ATP6V0A2: variants seen among roughly 807,000 people sequenced by gnomAD.
ATP6V0A2 encodes the protein ATPase H+ transporting V0 subunit a2.
A neutral mutation model predicts 104.4 loss-of-function variants in ATP6V0A2; 58 were observed. The observed-to-expected ratio is 0.56, with a 90% CI of 0.45 to 0.69. The LOEUF is 0.69. Ranked by LOEUF, ATP6V0A2 falls within the 30% of genes least tolerant of loss-of-function variation. The pLI is 0.00. For synonymous variants in ATP6V0A2, 376 were observed against 397.9 expected (o/e 0.95, Z 0.65); for missense variants, 938 against 1,062.9 (o/e 0.88, Z 1.63).
At chr12:123,741,300 A>T (rs984366575) in intron 9 of ATP6V0A2, among the ~76,000 whole-genome samples, 3 of 152,260 alleles carry the variant, frequency 2.0e-5, no homozygotes, top group Admixed American at 1.3e-4. Context: ...ATAGAAAAAA[A>T]ATTAGCCAGG....
intron 5 of ATP6V0A2, among the ~76,000 whole-genome samples, chr12:123,727,458 T>C (rs1956459168): frequency 6.6e-6 from 1 of 152,106 alleles, no homozygotes; most frequent in South Asian, 2.1e-4. Flanking sequence ...TTTGTATTTT[T>C]AGTAGAGACA....
At chr12:123,756,230 T>C (rs1956762810) in intron 18 of ATP6V0A2, 1 of 151,386 alleles carries the variant, frequency 6.6e-6, no homozygotes. Flanking sequence ...ATGCTTCGGA[T>C]GGTTTTGATT....
chr12:123,751,340 G>A, intron 16 of ATP6V0A2, 111 bp downstream of exon 16: 1 of 1,514,934 alleles, frequency 6.6e-7, no homozygotes, highest in Non-Finnish European at 9.1e-7. Flanking sequence ...TGATTTAAAA[G>A]CCAAAGCTCC....
intron 3 of ATP6V0A2, chr12:123,723,948 G>A (rs533142930): frequency 1.3e-5 from 2 of 152,162 alleles, no homozygotes; most frequent in South Asian, 2.1e-4. Context: ...AAGGAAATCC[G>A]AGAAATGACA....
At chr12:123,721,814 T>A (rs1382030609) in intron 2 of ATP6V0A2, among the ~76,000 whole-genome samples, 3 of 152,206 alleles carry the variant, frequency 2.0e-5, no homozygotes, top group Non-Finnish European at 4.4e-5. Flanking sequence ...TGGTGCTGGG[T>A]GGGTTTCCTG....
intron 3 of ATP6V0A2, chr12:123,723,790 G>A (rs544153568): frequency 1.3e-5 from 2 of 152,152 alleles, no homozygotes; most frequent in African/African-American, 4.8e-5. Context: ...TCAATTAATT[G>A]TGTAAATGTG....
intron 9 of ATP6V0A2, among the ~76,000 whole-genome samples, chr12:123,738,394 CAA>C (rs1054215012): frequency 1.5e-4 from 19 of 127,086 alleles, no homozygotes; most frequent in Admixed American, 2.4e-4. Context: ...AACTTTGTCT[CAA>C]AAAAAAAAAA....
At position 123,737,255 on chromosome 12, in the gene ATP6V0A2, C is replaced by A. The variant is rs1956564188; in HGVS notation, c.1022C>A (p.Ala341Glu). 2 of 1,614,136 alleles carry A rather than the reference C, an allele frequency of 1.2e-6. No individual in the cohort carries two copies. The highest frequency in any genetic ancestry group is 1.7e-6 in the Non-Finnish European group (2 of 1,180,030). The change falls in exon 9 of 20, where the codon GCA becomes GAA. Residue 341 changes from alanine to glutamate, a missense_variant. Transcript: ENST00000330342. ...GCGGATCTGCAGGACCTGCGCCGGG[C>A]ACTGGAGGAGGGCTCGGTAAGGCTG... ...PEADLQDLRRALEEGSRESGA... is the reference protein window; with the variant it reads ...PEADLQDLRRELEEGSRESGA...
rs1187497559 is a variant in ATP6V0A2, at chr12:123,712,497, G to A, written c.-69G>A. 4 of 1,093,954 alleles carry A rather than the reference G, an allele frequency of 3.7e-6. No individual in the cohort carries two copies. The highest frequency in any genetic ancestry group is 3.8e-6 in the Non-Finnish European group (3 of 793,462). 67.8% of individuals were successfully genotyped at this position (1,093,954 alleles called of 1,614,324 possible). A position where few individuals can be genotyped will look rare whatever the true frequency, so the allele number is the denominator to read the frequency against. On this transcript the variant is annotated 5_prime_UTR_variant, in exon 1 of 20. The change creates a new upstream start codon in the 5' untranslated region. Transcript: ENST00000330342. Reference sequence around the variant, plus strand: ...TCGAGGCCCGGGCCGCACCGGCTGAGTGTGCGGGCCCGCGCGGCTCGGAGC... The same window carrying A: ...TCGAGGCCCGGGCCGCACCGGCTGAATGTGCGGGCCCGCGCGGCTCGGAGC...
Position 123,748,680 on chromosome 12 carries a change from G to T in ATP6V0A2, c.1830G>T (p.Leu610=). Reference sequence around the variant, plus strand: ...TATTTATGATTTTCTACAAGTGGCTGGTTTTTTCAGCAGAAACCTCCAGAG... The same window carrying T: ...TATTTATGATTTTCTACAAGTGGCTTGTTTTTTCAGCAGAAACCTCCAGAG... ...YLIFMIFYKW[L]VFSAETSRVA... The change falls in exon 15 of 20, where the codon CTG becomes CTT. Residue 610 remains leucine, a synonymous_variant. Transcript: ENST00000330342. 19 of 1,614,056 alleles carry T rather than the reference G, an allele frequency of 1.2e-5. No individual in the cohort carries two copies. Among genetic ancestry groups the T allele is most frequent in the Non-Finnish European group, 1.5e-5 (18 of 1,179,954 alleles).
chr12:123,734,322 A>G (rs1243753076), intron 7 of ATP6V0A2, among the ~76,000 whole-genome samples: 1 of 152,170 alleles, frequency 6.6e-6, no homozygotes, highest in Non-Finnish European at 1.5e-5. Flanking sequence ...GCTTTGAGCT[A>G]CCAGTCGGGC....
intron 7 of ATP6V0A2, 82 bp downstream of exon 7, chr12:123,734,090 A>G: frequency 9.3e-7 from 1 of 1,080,584 alleles, no homozygotes; most frequent in Non-Finnish European, 1.4e-6. Context: ...CTCTGGAGTC[A>G]GAAATAGAGT....
At chr12:123,737,478 G>T in intron 9 of ATP6V0A2, 1 of 566,352 alleles carries the variant, frequency 1.8e-6, no homozygotes, top group Admixed American at 2.5e-5. Flanking sequence ...CAAACTCCTG[G>T]CCCCGAGCGA....
In ATP6V0A2 at chr12:123,720,258, G is replaced by A. The variant is rs140157149; in HGVS notation, c.196+1557G>A. ...GGTCCTAGTTATTTGTGTGGTTCAT[G>A]TACGTTAGTGGCACCATATTCCTGT... On this transcript the variant is annotated intron_variant, in intron 2 of 19. Coordinates refer to ENST00000330342, the MANE Select transcript of ATP6V0A2 (RefSeq NM_012463.4). 3.2e-3 allele frequency among the ~76,000 whole-genome samples: 484 copies of A among 152,302 alleles called. 5 individuals carry two copies. The highest frequency in any genetic ancestry group is 0.011 in the African/African-American group (459 of 41,570).
At position 123,756,940 on chromosome 12, in the gene ATP6V0A2, A is replaced by T; in HGVS notation, c.2419A>T (p.Ile807Phe). The T allele has an allele frequency of 6.2e-7, 1 of 1,614,090 alleles. No individual in the cohort carries two copies. Among genetic ancestry groups the T allele is most frequent in the East Asian group, 2.2e-5 (1 of 44,876 alleles). Reference protein sequence around the residue: ...FAVLTIFILLIMEGLSAFLHA... With the variant: ...FAVLTIFILLFMEGLSAFLHA... ...AGTTTTGACCATTTTCATCCTTCTG[A>T]TCATGGAAGGGCTTTCTGCGTTTCT... The change falls in exon 19 of 20, where the codon ATC becomes TTC. Residue 807 changes from isoleucine to phenylalanine, a missense_variant. Physicochemically the swap from Ile to Phe is conservative, Grantham distance 21. Transcript: ENST00000330342.
intron 1 of ATP6V0A2, among the ~76,000 whole-genome samples, chr12:123,717,229 C>G (rs988862354): frequency 6.7e-6 from 1 of 148,416 alleles, no homozygotes; most frequent in African/African-American, 2.5e-5. Context: ...GCAGGAGAAT[C>G]GCTTGAACCT....
intron 3 of ATP6V0A2, chr12:123,724,126 G>A (rs941287475): frequency 6.6e-6 from 1 of 151,994 alleles, no homozygotes; most frequent in African/African-American, 2.4e-5. Flanking sequence ...GTCTTGCTCT[G>A]TCACCCAAGC....
intron 1 of ATP6V0A2, among the ~76,000 whole-genome samples, chr12:123,713,049 CAGAAAAGGTTTGCCATAAAGA>C (rs1956308255): frequency 6.6e-6 from 1 of 152,072 alleles, no homozygotes; most frequent in Non-Finnish European, 1.5e-5. Context: ...ATAGGTCAAC[CAGAAAAGGTTTGCCATAAAGA>C]AGAAACGGGG....
intron 9 of ATP6V0A2, chr12:123,737,542 C>G: frequency 2.3e-6 from 1 of 429,354 alleles, no homozygotes; most frequent in Non-Finnish European, 4.3e-6. Flanking sequence ...AGCCACTGTG[C>G]CCAGCCTTGG....
Sources: gnomAD v4.1 joint callset for allele counts (sites outside exome capture counted in the v4.1 genomes callset) on GRCh38, gnomAD v4.1.1 for gene constraint, MANE v1.5 for transcripts, NCBI Gene and HGNC (gene_info 2026-07-23, HGNC 2026-07-21) for gene names.